TOP2B: variants seen among roughly 807,000 people sequenced by gnomAD.
The protein encoded by TOP2B is DNA topoisomerase 2-beta.
In TOP2B, 51 loss-of-function variants were observed where a neutral mutation model predicts 193.5. That is an observed-to-expected ratio of 0.26 (90% CI 0.21 to 0.33). The LOEUF is 0.33. Ranked by LOEUF, TOP2B falls within the 10% of genes least tolerant of loss-of-function variation. The pLI is 1.00. For missense variants in TOP2B, 1,378 were observed against 1,909.3 expected, an observed-to-expected ratio of 0.72 and a Z score of 5.19; for synonymous variants, 634 against 635.7, an observed-to-expected ratio of 1.00 and a Z score of 0.04.
In TOP2B at chr3:25,632,720, T is replaced by C. The variant is rs1220331942; in HGVS notation, c.1101A>G (p.Lys367=). 1 of 1,613,186 alleles carries C rather than the reference T, an allele frequency of 6.2e-7. No individual in the cohort carries two copies. Among genetic ancestry groups the C allele is most frequent in the South Asian group, 1.1e-5 (1 of 91,062 alleles). ...GAAATGGTTTCACTGATACACCAGCTTTGTTCTTTTTCTTAACTACTTCAA... is the reference window on the plus strand; with the variant it reads ...GAAATGGTTTCACTGATACACCAGCCTTGTTCTTTTTCTTAACTACTTCAA... ...KLIEVVKKKN[K]AGVSVKPFQV... Residue 367 remains lysine (K), a synonymous_variant, in exon 9 of 36, where the codon AAA becomes AAG. Transcript: ENST00000264331.
At chr3:25,600,721 GA>G (rs35422234) in intron 34 of TOP2B, among the ~76,000 whole-genome samples, 1 of 152,116 alleles carries the variant, frequency 6.6e-6, no homozygotes, top group Non-Finnish European at 1.5e-5. Context: ...TCTTAGGTGA[GA>G]AAAAAAGTTC....
At chr3:25,624,133 C>CGTGT (rs1702735430) in intron 20 of TOP2B, among the ~76,000 whole-genome samples, 164 bp downstream of exon 20, 1 of 152,204 alleles carries the variant, frequency 6.6e-6, no homozygotes. Context: ...AAATTAAGGT[C>CGTGT]AACAGACTTC....
At position 25,606,881 on chromosome 3, in the gene TOP2B, G is replaced by A. The variant is rs368055829; in HGVS notation, c.4298+290C>T. Among the ~76,000 whole-genome samples the A allele has an allele frequency of 3.9e-5, 6 of 152,208 alleles. No individual in the cohort carries two copies. In the East Asian group the frequency reaches 7.7e-4, roughly 20 times the overall value. On this transcript the variant is annotated intron_variant, in intron 31 of 35. Coordinates refer to ENST00000264331, the MANE Select transcript of TOP2B (RefSeq NM_001330700.2). Reference sequence around the variant, plus strand: ...ACACTGATTTATTTACATATCATTTGTGGCTGCTTTTTTACTAGAATGGCA... The same window carrying A: ...ACACTGATTTATTTACATATCATTTATGGCTGCTTTTTTACTAGAATGGCA...
chr3:25,622,804 C>T (rs1312304782), intron 21 of TOP2B, among the ~76,000 whole-genome samples: 1 of 152,102 alleles, frequency 6.6e-6, no homozygotes, highest in African/African-American at 2.4e-5. Flanking sequence ...GCACACCCGG[C>T]TAATTTTTGT....
intron 28 of TOP2B, among the ~76,000 whole-genome samples, 157 bp downstream of exon 28, chr3:25,612,358 C>G (rs1427280614): frequency 2.0e-5 from 3 of 152,148 alleles, no homozygotes; most frequent in African/African-American, 7.2e-5. Context: ...TGTTTTCCTT[C>G]TATAGATCAA....
chr3:25,659,483 C>A (rs540342683), intron 1 of TOP2B, among the ~76,000 whole-genome samples: 1 of 152,258 alleles, frequency 6.6e-6, no homozygotes, highest in South Asian at 2.1e-4. Flanking sequence ...CCAAGCACTA[C>A]GATAATCTTA....
At chr3:25,630,218 C>T (rs1702917152) in intron 12 of TOP2B, 64 bp from the exon 13 acceptor site, 1 of 1,519,348 alleles carries the variant, frequency 6.6e-7, no homozygotes, top group Non-Finnish European at 8.8e-7. Flanking sequence ...TCAGAAATTA[C>T]ATTTAAAAAT....
At chr3:25,623,960 C>T (rs551625738) in intron 20 of TOP2B, among the ~76,000 whole-genome samples, 3 of 152,208 alleles carry the variant, frequency 2.0e-5, no homozygotes, top group Admixed American at 6.5e-5. Flanking sequence ...TAAAATAGTC[C>T]TATTTTACTT....
intron 33 of TOP2B, among the ~76,000 whole-genome samples, chr3:25,602,747 G>A (rs1702141195): frequency 6.6e-6 from 1 of 152,138 alleles, no homozygotes; most frequent in African/African-American, 2.4e-5. Context: ...TTGGCTTGGA[G>A]TTACATGGCA....
chr3:25,623,464 T>G, intron 21 of TOP2B, 51 bp downstream of exon 21: 1 of 1,497,874 alleles, frequency 6.7e-7, no homozygotes, highest in Non-Finnish European at 9.2e-7. Flanking sequence ...CGGGAATTTG[T>G]AGTTTACACA....
chr3:25,627,474 G>C (rs966095933), intron 15 of TOP2B, among the ~76,000 whole-genome samples, 178 bp from the exon 16 acceptor site: 3 of 151,762 alleles, frequency 2.0e-5, no homozygotes, highest in Non-Finnish European at 2.9e-5. Flanking sequence ...CCTGATGAAA[G>C]CACACAACGC....
chr3:25,632,464 T>A lies in TOP2B; in HGVS notation c.1248A>T (p.Ser416=). The A allele has an allele frequency of 6.4e-7, 1 of 1,570,208 alleles. No homozygotes were observed. Residue 416 remains serine (S), a synonymous_variant, in exon 10 of 36, where the codon TCA becomes TCT. Transcript: ENST00000264331. ...PKSFGSKCQL[S]EKFFKAASNC... ...TACTCACTGCTTTAAAAAATTTTTC[T>A]GACAGCTGGCATTTAGACCCAAAAC...
chr3:25,604,690 T>A (rs1422851393), intron 33 of TOP2B, 70 bp downstream of exon 33: 6 of 1,275,954 alleles, frequency 4.7e-6, no homozygotes, highest in Non-Finnish European at 6.6e-6. Context: ...TAGTTTCAAA[T>A]TAAATTACAT....
intron 2 of TOP2B, 84 bp downstream of exon 2, chr3:25,645,216 G>C: frequency 8.0e-7 from 1 of 1,255,694 alleles, no homozygotes; most frequent in Non-Finnish European, 1.1e-6. Flanking sequence ...TCCAAAGCAA[G>C]TAATTACAAT....
intron 2 of TOP2B, 73 bp from the exon 3 acceptor site, chr3:25,643,857 T>C (rs367856599): frequency 1.1e-5 from 12 of 1,099,590 alleles, no homozygotes; most frequent in African/African-American, 4.6e-5. Flanking sequence ...ATAATCCACA[T>C]CCTGTCATTT....
chr3:25,638,124 G>A (rs1703154140), intron 5 of TOP2B, 41 bp downstream of exon 5: 1 of 1,512,366 alleles, frequency 6.6e-7, no homozygotes, highest in Non-Finnish European at 8.9e-7. Context: ...TTTATATTAA[G>A]AAAACAGTAT....
chr3:25,644,825 C>T (rs1174723524), intron 2 of TOP2B, among the ~76,000 whole-genome samples: 4 of 151,882 alleles, frequency 2.6e-5, no homozygotes, highest in East Asian at 3.9e-4. Context: ...GATGGAGTCT[C>T]GCCCTGTCGC....
Position 25,615,235 on chromosome 3 carries a change from C to T in TOP2B, c.3561G>A (p.Glu1187=). Residue 1187 remains glutamate (E), a synonymous_variant, in exon 27 of 36, where the codon GAG becomes GAA. Transcript: ENST00000264331. The part of the protein sequence containing the change: ...KRKSPSDLWK[E]DLAAFVEELD... ...GTTCTTCAACAAATGCCGCTAAATC[C>T]TCTTTCCAAAGATCTGAAGGAGATT... 1.2e-6 allele frequency: 2 copies of T among 1,612,390 alleles called. No homozygotes were observed. The highest frequency in any genetic ancestry group is 1.7e-6 in the Non-Finnish European group (2 of 1,179,010).
intron 1 of TOP2B, among the ~76,000 whole-genome samples, chr3:25,650,680 T>C (rs750864037): frequency 1.3e-5 from 2 of 152,252 alleles, no homozygotes; most frequent in Non-Finnish European, 2.9e-5. Context: ...CTGCTATTAA[T>C]CATTGGTCCT....
Sources: gnomAD v4.1 joint callset for allele counts (sites outside exome capture counted in the v4.1 genomes callset) on GRCh38, gnomAD v4.1.1 for gene constraint, MANE v1.5 for transcripts, NCBI Gene and HGNC (gene_info 2026-07-23, HGNC 2026-07-21) for gene names.